TSGA10: variants seen among roughly 807,000 people sequenced by gnomAD.
The protein encoded by TSGA10 is testis specific 10, also known as testis-specific gene 10 protein.
Under a neutral mutation model 96.6 loss-of-function variants are expected in TSGA10, and 43 were observed. That is an observed-to-expected ratio of 0.44 (90% CI 0.35 to 0.57). TSGA10 has a LOEUF of 0.57. TSGA10 is among the 20% of genes least tolerant of loss of function. TSGA10 has a pLI of 0.01. For synonymous variants in TSGA10, 229 were observed against 269.9 expected (o/e 0.85, Z 1.48); for missense variants, 703 against 834.4 (o/e 0.84, Z 1.94).
intron 10 of TSGA10, among the ~76,000 whole-genome samples, chr2:99,095,689 G>A (rs2089961747): frequency 6.6e-6 from 1 of 152,208 alleles, no homozygotes; most frequent in Non-Finnish European, 1.5e-5. Flanking sequence ...TCACCAGGCT[G>A]TAGTACAGTG....
chr2:99,054,203 C>T (rs1357465460), intron 16 of TSGA10, among the ~76,000 whole-genome samples: 1 of 152,066 alleles, frequency 6.6e-6, no homozygotes, highest in Non-Finnish European at 1.5e-5. Context: ...ACAGAATAGA[C>T]AGCCCAGAAA....
At chr2:99,061,090 A>G (rs2084640251) in intron 16 of TSGA10, among the ~76,000 whole-genome samples, 1 of 152,246 alleles carries the variant, frequency 6.6e-6, no homozygotes. Context: ...TTCTGCTCTT[A>G]GAATGATTTT....
chr2:99,104,537 C>T (rs766237056), intron 9 of TSGA10, among the ~76,000 whole-genome samples: 80 of 151,614 alleles, frequency 5.3e-4, no homozygotes, highest in Non-Finnish European at 8.8e-4. Flanking sequence ...TGCAGTGGCG[C>T]GATCTCGGCT....
At chr2:99,081,723 GT>G (rs1383699031) in intron 10 of TSGA10, among the ~76,000 whole-genome samples, 5 of 152,162 alleles carry the variant, frequency 3.3e-5, no homozygotes, top group Admixed American at 1.3e-4. Context: ...ATAGCCTAGG[GT>G]TTTATGTTTT....
At chr2:99,077,794 C>T (rs2086904402) in intron 12 of TSGA10, among the ~76,000 whole-genome samples, 1 of 151,858 alleles carries the variant, frequency 6.6e-6, no homozygotes, top group Non-Finnish European at 1.5e-5. Flanking sequence ...GAACTCCTGA[C>T]CTCATGATCC....
At chr2:99,007,294 T>A (rs370781948) in intron 20 of TSGA10, among the ~76,000 whole-genome samples, 1 of 152,038 alleles carries the variant, frequency 6.6e-6, no homozygotes, top group East Asian at 1.9e-4. Context: ...AGTATAAGAA[T>A]AAATAATAAA....
intron 12 of TSGA10, among the ~76,000 whole-genome samples, chr2:99,076,188 A>G (rs916735768): frequency 7.9e-5 from 12 of 152,162 alleles, no homozygotes; most frequent in African/African-American, 1.9e-4. Flanking sequence ...TTCTTCCTTC[A>G]TACATAGGAA....
intron 10 of TSGA10, among the ~76,000 whole-genome samples, chr2:99,084,270 T>G (rs761050062): frequency 2.0e-5 from 3 of 152,196 alleles, no homozygotes; most frequent in Admixed American, 6.5e-5. Context: ...GCTACAAATC[T>G]CATGTTGAAA....
chr2:99,135,143 G>C (rs1229376755), intron 1 of TSGA10, among the ~76,000 whole-genome samples: 1 of 152,226 alleles, frequency 6.6e-6, no homozygotes, highest in Non-Finnish European at 1.5e-5. Flanking sequence ...TTCGGAGCCA[G>C]CAGGCAGGAA....
intron 10 of TSGA10, among the ~76,000 whole-genome samples, chr2:99,095,257 G>A (rs1047921885): frequency 6.6e-6 from 1 of 152,144 alleles, no homozygotes; most frequent in African/African-American, 2.4e-5. Context: ...GAAAGGATGG[G>A]AGGTGGGGTG....
At position 99,150,003 on chromosome 2, in the gene TSGA10, G is replaced by A. The variant is rs918414419; in HGVS notation, c.-621+4690C>T. The stretch of plus-strand genomic sequence containing the variant: ...AGATGGGGTTTCACCATGTTGGCCA[G>A]GCTGGTCTCTCAATCCTAACCTTTG... On this transcript the variant is annotated intron_variant, in intron 1 of 20. Transcript: ENST00000393483. Among the ~76,000 whole-genome samples, 4 of 151,748 alleles carry A rather than the reference G, an allele frequency of 2.6e-5. No homozygotes were observed. In the East Asian group the frequency reaches 7.8e-4, roughly 29 times the overall value.
chr2:99,052,402 T>C (rs765576056), intron 16 of TSGA10, among the ~76,000 whole-genome samples: 9 of 151,050 alleles, frequency 6.0e-5, no homozygotes, highest in Non-Finnish European at 1.2e-4. Flanking sequence ...CCTACAAAGA[T>C]TGAATCATGA....
chr2:99,034,165 A>C (rs2081389315), intron 17 of TSGA10, among the ~76,000 whole-genome samples: 1 of 152,020 alleles, frequency 6.6e-6, no homozygotes, highest in Non-Finnish European at 1.5e-5. Context: ...GACAACTTCA[A>C]ATCTCCATAC....
intron 9 of TSGA10, 56 bp downstream of exon 9, chr2:99,105,303 G>A: frequency 7.1e-7 from 1 of 1,416,138 alleles, no homozygotes; most frequent in Non-Finnish European, 9.7e-7. Context: ...AGGAGAAAGG[G>A]GAAAGCCATT....
At chr2:99,079,821 C>A (rs17708218) in intron 11 of TSGA10, among the ~76,000 whole-genome samples, 53,341 of 151,990 alleles carry the variant, frequency 0.35, 10,702 homozygotes, top group African/African-American at 0.55. Context: ...TAGGTTAATA[C>A]CTGTGAGGGC....
chr2:99,143,125 A>T (rs1416072822), intron 1 of TSGA10, among the ~76,000 whole-genome samples: 1 of 144,738 alleles, frequency 6.9e-6, no homozygotes, highest in Non-Finnish European at 1.5e-5. Flanking sequence ...ACCCTGCCCC[A>T]ACTAAACCTT....
chr2:99,117,807 T>A (rs1271994221), intron 3 of TSGA10, 48 bp from the exon 4 acceptor site: 8 of 913,992 alleles, frequency 8.8e-6, no homozygotes, highest in Non-Finnish European at 1.0e-5. Context: ...CCTTAGCTTT[T>A]TTCTGGGGAG....
At chr2:99,062,710 A>G (rs1195255907) in intron 16 of TSGA10, among the ~76,000 whole-genome samples, 2 of 152,182 alleles carry the variant, frequency 1.3e-5, no homozygotes, top group Non-Finnish European at 2.9e-5. Context: ...ACTCCAGCCT[A>G]GGAACAGAGT....
intron 2 of TSGA10, among the ~76,000 whole-genome samples, chr2:99,122,615 C>CA (rs148224475): frequency 0.019 from 990 of 53,218 alleles, 30 homozygotes; most frequent in Middle Eastern, 0.025. Flanking sequence ...CCATCTCTAC[C>CA]AAAAAAAAAA....
Sources: gnomAD v4.1 joint callset for allele counts (sites outside exome capture counted in the v4.1 genomes callset) on GRCh38, gnomAD v4.1.1 for gene constraint, MANE v1.5 for transcripts, NCBI Gene and HGNC (gene_info 2026-07-23, HGNC 2026-07-21) for gene names.